Variants in SELENOF observed in about 807,000 individuals in gnomAD.
SELENOF encodes the protein selenoprotein F.
SELENOF carries 16 observed loss-of-function variants against 20.5 expected under a neutral mutation model. The ratio of observed to expected loss-of-function variants is 0.78; its 90% CI spans 0.53 to 1.19. The LOEUF is 1.19. Among genes scored for constraint, SELENOF ranks in the 50% most tolerant of loss-of-function variants. The pLI is 0.00. For synonymous variants in SELENOF, 78 were observed against 74.5 expected (o/e 1.05, Z -0.24); for missense variants, 215 against 194.2 (o/e 1.11, Z -0.64).
At position 86,883,271 on chromosome 1, in the gene SELENOF, T is replaced by A. The variant is rs538301455; in HGVS notation, c.253-2546A>T. 2.0e-5 allele frequency among the ~76,000 whole-genome samples: 3 copies of A among 152,076 alleles called. No individual in the cohort carries two copies. The South Asian group carries it at 6.2e-4, about 32-fold the overall frequency. On this transcript the variant is annotated intron_variant, in intron 2 of 4. Transcript: ENST00000331835. ...AACTAGAGTAGCCAAAAATTCACAA[T>A]GGTAGTTGTCAGTGGGGGCAAGGAA...
intron 2 of SELENOF, among the ~76,000 whole-genome samples, chr1:86,884,380 TAC>T (rs1402427568): frequency 1.2e-4 from 18 of 150,772 alleles, no homozygotes; most frequent in African/African-American, 3.9e-4. Context: ...CACACACATA[TAC>T]ACACACATAT....
intron 1 of SELENOF, among the ~76,000 whole-genome samples, chr1:86,911,785 T>C (rs1251214110): frequency 2.1e-4 from 16 of 76,078 alleles, no homozygotes; most frequent in Admixed American, 1.7e-3. Context: ...AAAATGACTA[T>C]TTTTTTTTTT....
chr1:86,867,163 T>C (rs1346495170), intron 4 of SELENOF, among the ~76,000 whole-genome samples: 1 of 152,032 alleles, frequency 6.6e-6, no homozygotes, highest in African/African-American at 2.4e-5. Context: ...TATAACATTC[T>C]GGAAAAGGCA....
chr1:86,890,301 C>A (rs1014078909), intron 2 of SELENOF, among the ~76,000 whole-genome samples: 1 of 152,150 alleles, frequency 6.6e-6, no homozygotes, highest in Non-Finnish European at 1.5e-5. Context: ...ATTTACCTGA[C>A]CTGCCAAGTG....
chr1:86,913,303 A>G (rs1340211703), intron 1 of SELENOF, among the ~76,000 whole-genome samples: 1 of 152,226 alleles, frequency 6.6e-6, no homozygotes, highest in Admixed American at 6.5e-5. Context: ...ACACAGCAGA[A>G]CATGGATATG....
At chr1:86,887,162 T>C in intron 2 of SELENOF, 1 of 1,542,292 alleles carries the variant, frequency 6.5e-7, no homozygotes. Flanking sequence ...TCACTTTGAG[T>C]GATGGCATTC....
At chr1:86,908,123 T>C (rs1429036480) in intron 1 of SELENOF, among the ~76,000 whole-genome samples, 3 of 152,222 alleles carry the variant, frequency 2.0e-5, no homozygotes, top group Non-Finnish European at 2.9e-5. Context: ...TTAACTGTAC[T>C]ATACCATTAC....
chr1:86,876,862 T>C (rs766911367), intron 3 of SELENOF, among the ~76,000 whole-genome samples: 38 of 152,206 alleles, frequency 2.5e-4, no homozygotes, highest in Non-Finnish European at 4.9e-4. Flanking sequence ...AAGTAAGATT[T>C]AGTAGTCAGG....
Position 86,899,831 on chromosome 1 carries a change from C to T in SELENOF, c.252+3450G>A, listed in dbSNP as rs1302168123. ...GCGGAGGGGCTCCTCACTTCTCAGA[C>T]GGGGCGGTTGCCAGGCGGAGGGTCT... On this transcript the variant is annotated intron_variant, in intron 2 of 4. Coordinates refer to ENST00000331835, the MANE Select transcript of SELENOF (RefSeq NM_004261.5). 4.7e-4 allele frequency among the ~76,000 whole-genome samples: 64 copies of T among 136,424 alleles called. No individual in the cohort carries two copies. The South Asian group carries it at 6.2e-3, about 13-fold the overall frequency. 89.5% of individuals were successfully genotyped at this position (136,424 alleles called of 152,430 possible). A position where few individuals can be genotyped will look rare whatever the true frequency, so the allele number is the denominator to read the frequency against.
intron 3 of SELENOF, among the ~76,000 whole-genome samples, chr1:86,876,671 A>G (rs1658930606): frequency 1.3e-5 from 2 of 152,260 alleles, no homozygotes; most frequent in Non-Finnish European, 2.9e-5. Context: ...GGAGTGGGAC[A>G]CCATTCGGTA....
chr1:86,881,665 C>A (rs1659073007), intron 2 of SELENOF, among the ~76,000 whole-genome samples: 1 of 152,108 alleles, frequency 6.6e-6, no homozygotes, highest in African/African-American at 2.4e-5. Context: ...ATGCCCTATG[C>A]ATGTTTATTT....
Position 86,883,186 on chromosome 1 carries a change from T to A in SELENOF, c.253-2461A>T, listed in dbSNP as rs1659121917. On this transcript the variant is annotated intron_variant, in intron 2 of 4. Coordinates refer to ENST00000331835, the MANE Select transcript of SELENOF (RefSeq NM_004261.5). ...ATATAAACGAATCTTATTACAACAT[T>A]AATGACATCTTGCTAAGTGAAATAA... is the stretch of plus-strand genomic sequence containing the variant. 2.0e-5 allele frequency among the ~76,000 whole-genome samples: 3 copies of A among 151,762 alleles called. No individual in the cohort carries two copies. In the South Asian group the frequency reaches 6.2e-4, roughly 31 times the overall value.
intron 2 of SELENOF, among the ~76,000 whole-genome samples, chr1:86,881,943 G>C (rs1281677493): frequency 6.6e-6 from 1 of 151,996 alleles, no homozygotes; most frequent in African/African-American, 2.4e-5. Context: ...TTTAAGAATA[G>C]GTTAATTTGG....
chr1:86,886,958 T>A (rs376869924), intron 2 of SELENOF, among the ~76,000 whole-genome samples: 3 of 152,154 alleles, frequency 2.0e-5, no homozygotes, highest in Admixed American at 1.3e-4. Context: ...AGTATAATTT[T>A]AAAAAATCAA....
At chr1:86,896,356 A>T (rs1242971290) in intron 2 of SELENOF, among the ~76,000 whole-genome samples, 4 of 152,188 alleles carry the variant, frequency 2.6e-5, no homozygotes, top group African/African-American at 9.7e-5. Context: ...TAAGGAAATA[A>T]TGAAAAAAAG....
chr1:86,900,218 T>C (rs1344993235), intron 2 of SELENOF, among the ~76,000 whole-genome samples: 12 of 151,632 alleles, frequency 7.9e-5, no homozygotes, highest in African/African-American at 2.7e-4. Flanking sequence ...TCTGGGCACT[T>C]TGGGAGGCCA....
chr1:86,871,641 G>A (rs1425324775), intron 3 of SELENOF, among the ~76,000 whole-genome samples: 5 of 152,030 alleles, frequency 3.3e-5, no homozygotes. Flanking sequence ...AAAGATTTTG[G>A]CCTCTATTTT....
intron 1 of SELENOF, among the ~76,000 whole-genome samples, chr1:86,913,398 C>T (rs1660040367): frequency 7.8e-6 from 1 of 128,946 alleles, no homozygotes; most frequent in South Asian, 2.2e-4. Context: ...ATAAAAAACG[C>T]TGCCTTAAAG....
intron 3 of SELENOF, among the ~76,000 whole-genome samples, chr1:86,872,987 C>A (rs1190127354): frequency 6.6e-6 from 1 of 151,644 alleles, no homozygotes; most frequent in Non-Finnish European, 1.5e-5. Context: ...TTGCAGTGAG[C>A]CAAAATCACT....
Sources: gnomAD v4.1 joint callset for allele counts (sites outside exome capture counted in the v4.1 genomes callset) on GRCh38, gnomAD v4.1.1 for gene constraint, MANE v1.5 for transcripts, NCBI Gene and HGNC (gene_info 2026-07-23, HGNC 2026-07-21) for gene names.